Variants in CDH13 observed in about 807,000 individuals in gnomAD.
CDH13 encodes cadherin 13.
A neutral mutation model predicts 63.8 loss-of-function variants in CDH13; 24 were observed. That is an observed-to-expected ratio of 0.38 (90% CI 0.27 to 0.53). The LOEUF (loss-of-function observed/expected upper bound fraction) is 0.53, where lower values mean the gene tolerates loss of function less well. CDH13 is among the 20% of genes least tolerant of loss of function. The pLI is 0.85. For synonymous variants in CDH13, 503 were observed against 355.3 expected, an observed-to-expected ratio of 1.42 and a Z score of -4.67; for missense variants, 1,049 against 903.1, an observed-to-expected ratio of 1.16 and a Z score of -2.07.
intron 5 of CDH13, among the ~76,000 whole-genome samples, chr16:83,237,692 C>T (rs1015876314): frequency 3.3e-5 from 5 of 152,328 alleles, no homozygotes; most frequent in Admixed American, 1.3e-4. Context: ...TTTTGCCTCT[C>T]CCTTGCTATG....
In CDH13 at chr16:82,632,728, A is replaced by C. The variant is rs577623472; in HGVS notation, c.45+5591A>C. On this transcript the variant is annotated intron_variant, in intron 1 of 13. Transcript: ENST00000567109. Reference sequence around the variant, plus strand: ...GAATTGGGGGGATGGTTTTGGGATGATTCAAGCACATTACATTTATTATGC... The same window carrying C: ...GAATTGGGGGGATGGTTTTGGGATGCTTCAAGCACATTACATTTATTATGC... 6.6e-5 allele frequency among the ~76,000 whole-genome samples: 10 copies of C among 152,088 alleles called. No homozygotes were observed. The East Asian group carries it at 1.7e-3, about 26-fold the overall frequency.
At chr16:82,960,109 T>G (rs1281456326) in intron 2 of CDH13, among the ~76,000 whole-genome samples, 2 of 152,044 alleles carry the variant, frequency 1.3e-5, no homozygotes, top group African/African-American at 2.4e-5. Flanking sequence ...AGAATGCCAG[T>G]AGGGAGGGCA....
chr16:82,929,159 T>C (rs1183064248), intron 2 of CDH13, among the ~76,000 whole-genome samples: 1 of 152,210 alleles, frequency 6.6e-6, no homozygotes, highest in Non-Finnish European at 1.5e-5. Context: ...CACTAAAGTA[T>C]AGCATATATC....
intron 4 of CDH13, among the ~76,000 whole-genome samples, chr16:83,213,047 C>A (rs62041827): frequency 0.012 from 1,895 of 152,266 alleles, 21 homozygotes; most frequent in Middle Eastern, 0.027. Flanking sequence ...GAGCAGGAGG[C>A]AGGTTCAGCA....
At chr16:82,637,811 T>A (rs1908866281) in intron 1 of CDH13, 1 of 152,036 alleles carries the variant, frequency 6.6e-6, no homozygotes, top group Admixed American at 6.6e-5. Flanking sequence ...TAATAAGTGG[T>A]GAGCTGGGAT....
At chr16:83,589,557 T>A (rs1906531851) in intron 7 of CDH13, among the ~76,000 whole-genome samples, 1 of 151,730 alleles carries the variant, frequency 6.6e-6, no homozygotes, top group Non-Finnish European at 1.5e-5. Context: ...ATTCACAGAT[T>A]CCAGGAATTA....
intron 5 of CDH13, among the ~76,000 whole-genome samples, chr16:83,291,702 G>A (rs1375575491): frequency 6.6e-6 from 1 of 152,078 alleles, no homozygotes; most frequent in African/African-American, 2.4e-5. Flanking sequence ...AAAACCGGTG[G>A]AGATTAGAGC....
chr16:83,061,176 C>T (rs2031517406), intron 3 of CDH13, among the ~76,000 whole-genome samples: 2 of 152,130 alleles, frequency 1.3e-5, no homozygotes, highest in Admixed American at 1.3e-4. Context: ...GACCTAGGGC[C>T]CAGGTTTCCA....
At chr16:83,478,083 C>T (rs952253676) in intron 6 of CDH13, among the ~76,000 whole-genome samples, 3 of 151,344 alleles carry the variant, frequency 2.0e-5, no homozygotes, top group Admixed American at 1.3e-4. Flanking sequence ...TGGCATGAAC[C>T]CAAGAGGCGG....
chr16:83,734,315 C>T (rs796884362), intron 10 of CDH13, among the ~76,000 whole-genome samples: 5 of 152,230 alleles, frequency 3.3e-5, no homozygotes, highest in African/African-American at 1.2e-4. Context: ...AGACAAAAGC[C>T]AGGGAAGAAG....
chr16:83,543,235 C>T (rs2075325759), intron 7 of CDH13, among the ~76,000 whole-genome samples: 1 of 152,186 alleles, frequency 6.6e-6, no homozygotes, highest in Non-Finnish European at 1.5e-5. Flanking sequence ...TGTGACATTT[C>T]GTATAGCAAA....
At chr16:83,044,688 A>T (rs1917618708) in intron 3 of CDH13, among the ~76,000 whole-genome samples, 1 of 152,174 alleles carries the variant, frequency 6.6e-6, no homozygotes, top group South Asian at 2.1e-4. Context: ...CTGGATGCAG[A>T]TGGTGTGTTT....
intron 1 of CDH13, among the ~76,000 whole-genome samples, chr16:82,731,190 T>C (rs1198491134): frequency 6.6e-6 from 1 of 152,178 alleles, no homozygotes; most frequent in East Asian, 1.9e-4. Context: ...AGCAAACTTT[T>C]TTCTGTAAAA....
chr16:82,921,153 C>G (rs1228105141), intron 2 of CDH13, among the ~76,000 whole-genome samples: 1 of 152,124 alleles, frequency 6.6e-6, no homozygotes, highest in African/African-American at 2.4e-5. Context: ...GCTGCTGTAA[C>G]AGATTACCAT....
chr16:82,696,673 G>T (rs934758705), intron 1 of CDH13, among the ~76,000 whole-genome samples: 2 of 152,182 alleles, frequency 1.3e-5, no homozygotes, highest in East Asian at 3.9e-4. Flanking sequence ...CTTCAACTCA[G>T]TTAGGTCAAC....
intron 3 of CDH13, among the ~76,000 whole-genome samples, chr16:83,065,699 G>C (rs1292298822): frequency 7.4e-6 from 1 of 135,700 alleles, no homozygotes; most frequent in Non-Finnish European, 1.5e-5. Flanking sequence ...AACGAGATTT[G>C]TCTCAAAAAA....
chr16:83,488,424 A>G (rs950397484), intron 7 of CDH13, among the ~76,000 whole-genome samples: 1 of 152,206 alleles, frequency 6.6e-6, no homozygotes, highest in Non-Finnish European at 1.5e-5. Context: ...ATCTTACATA[A>G]GCTGTGAGAA....
chr16:83,366,319 A>T (rs2091256524), intron 6 of CDH13, among the ~76,000 whole-genome samples: 1 of 152,232 alleles, frequency 6.6e-6, no homozygotes, highest in African/African-American at 2.4e-5. Context: ...AACACTTCCT[A>T]GTGAAGCTCC....
At chr16:82,840,945 G>A (rs1296760894) in intron 1 of CDH13, among the ~76,000 whole-genome samples, 1 of 152,170 alleles carries the variant, frequency 6.6e-6, no homozygotes, top group African/African-American at 2.4e-5. Context: ...GAGTGAGGAG[G>A]CTTGGGTAGA....
Sources: allele counts gnomAD v4.1 joint callset (sites outside exome capture counted in the v4.1 genomes callset), GRCh38; gene constraint gnomAD v4.1.1; transcripts MANE v1.5; gene names NCBI Gene and HGNC (gene_info 2026-07-23, HGNC 2026-07-21).